The following CNNM4 variants were observed in gnomAD, a reference collection of about 807,000 sequenced individuals.
CNNM4 encodes the protein cyclin and CBS domain divalent metal cation transport mediator 4, also known as metal transporter CNNM4.
CNNM4 carries 32 observed loss-of-function variants against 53.7 expected under a neutral mutation model. The observed-to-expected ratio is 0.60, with a 90% confidence interval of 0.45 to 0.80. CNNM4 has a LOEUF of 0.80. Among genes scored for constraint, CNNM4 ranks in the 30% least tolerant of loss-of-function variants. CNNM4 has a pLI of 0.00. For missense variants in CNNM4, 784 were observed against 1,022.0 expected, an observed-to-expected ratio of 0.77 and a Z score of 3.17; for synonymous variants, 410 against 440.0, an observed-to-expected ratio of 0.93 and a Z score of 0.85.
chr2:96,780,223 A>G (rs922949092), intron 1 of CNNM4, among the ~76,000 whole-genome samples: 2 of 152,068 alleles, frequency 1.3e-5, no homozygotes. Flanking sequence ...TTTCTTGAGT[A>G]TATTCCTAGT....
intron 1 of CNNM4, among the ~76,000 whole-genome samples, chr2:96,789,429 C>G (rs1173076124): frequency 6.6e-6 from 1 of 152,146 alleles, no homozygotes; most frequent in African/African-American, 2.4e-5. Context: ...CTGCCCAGCC[C>G]TCCGGGGTTT....
intron 1 of CNNM4, among the ~76,000 whole-genome samples, chr2:96,786,420 A>AT (rs1236081785): frequency 6.6e-6 from 1 of 151,732 alleles, no homozygotes; most frequent in Non-Finnish European, 1.5e-5. Context: ...TCTCAAAAAA[A>AT]AAAAAAAAGT....
intron 1 of CNNM4, among the ~76,000 whole-genome samples, chr2:96,772,189 C>T (rs2078877902): frequency 1.3e-5 from 2 of 151,830 alleles, no homozygotes; most frequent in South Asian, 4.1e-4. Context: ...TAGGCACAGG[C>T]AGGCTTACTC....
At chr2:96,765,424 C>A (rs62156232) in intron 1 of CNNM4, among the ~76,000 whole-genome samples, 10,549 of 151,920 alleles carry the variant, frequency 0.069, 418 homozygotes, top group Middle Eastern at 0.16. Flanking sequence ...CCCTGCCCAG[C>A]CTTTCAGCTG....
At chr2:96,778,711 T>C (rs1382577147) in intron 1 of CNNM4, among the ~76,000 whole-genome samples, 1 of 151,726 alleles carries the variant, frequency 6.6e-6, no homozygotes, top group African/African-American at 2.4e-5. Flanking sequence ...CTCAGCCTCC[T>C]CAGTAGCTGG....
At position 96,801,681 on chromosome 2, in the gene CNNM4, A is replaced by G. The variant is rs1463826143; in HGVS notation, c.1948+2033A>G. On this transcript the variant is annotated intron_variant, in intron 5 of 6. Coordinates refer to ENST00000377075, the MANE Select transcript of CNNM4 (RefSeq NM_020184.4). This position sits in a 1 kb window ranked among gnomAD's most constrained non-coding sequence, Gnocchi z 5.6. Reference sequence around the variant, plus strand: ...CCACACACACACACACACAGAGACCACACGCAGAGAGACCACACACACGCA... The same window carrying G: ...CCACACACACACACACACAGAGACCGCACGCAGAGAGACCACACACACGCA... Among the ~76,000 whole-genome samples, 2 of 148,956 alleles carry G rather than the reference A, an allele frequency of 1.3e-5. No individual in the cohort carries two copies. The highest frequency in any genetic ancestry group is 3.0e-5 in the Non-Finnish European group (2 of 66,964).
intron 1 of CNNM4, among the ~76,000 whole-genome samples, chr2:96,769,659 C>T (rs777772433): frequency 5.3e-5 from 8 of 151,608 alleles, no homozygotes; most frequent in Non-Finnish European, 8.8e-5. Context: ...TTGATGGAGA[C>T]GAAGAGAACC....
chr2:96,806,529 A>G lies in CNNM4; in HGVS notation c.1949-2032A>G, dbSNP rs939859381. 1.5e-3 allele frequency among the ~76,000 whole-genome samples: 212 copies of G among 142,378 alleles called. 1 individual carries two copies. Among genetic ancestry groups the G allele is most frequent in the Admixed American group, 3.0e-3 (42 of 14,226 alleles). The allele number at this position is 142,378 out of a possible 152,430, so 93.4% of individuals were successfully genotyped here. On this transcript the variant is annotated intron_variant, in intron 5 of 6. Coordinates refer to ENST00000377075, the MANE Select transcript of CNNM4 (RefSeq NM_020184.4). ...CCAACACACACACACACACACACAC[A>G]CACACACGCGCGCGCGCGCGCGCGC...
At position 96,797,135 on chromosome 2, in the gene CNNM4, T is replaced by C; in HGVS notation, c.1526T>C (p.Leu509Pro). 6.2e-7 allele frequency: 1 copy of C among 1,614,192 alleles called. No homozygotes were observed. The change falls in exon 2 of 7, where the codon CTG becomes CCG. Residue 509 changes from leucine (L) to proline (P), a missense_variant. Leu to Pro is a moderately conservative substitution (Grantham distance 98). Transcript: ENST00000377075. The surrounding 1 kb of genome is among the most constrained non-coding windows in gnomAD (Gnocchi z 6.0). ...GAGGAGATCATCAAGTCGGAGATCCTGGACGAGTCCGACATGTACAGTGAG... is the reference window on the plus strand; with the variant it reads ...GAGGAGATCATCAAGTCGGAGATCCCGGACGAGTCCGACATGTACAGTGAG... Reference protein sequence around the residue: ...VIEEIIKSEILDESDMYTDNR... With the variant: ...VIEEIIKSEIPDESDMYTDNR...
In CNNM4 at chr2:96,761,533, G is replaced by A. The variant is rs764182054; in HGVS notation, c.534G>A (p.Arg178=). Residue 178 remains arginine (R), a synonymous_variant, in exon 1 of 7, where the codon AGG becomes AGA. Transcript: ENST00000377075. The surrounding 1 kb of genome is among the most constrained non-coding windows in gnomAD (Gnocchi z 6.0). ...TCTTCATGGTGGAGGAGCCTGGGAGGTTCCTGCCTCTCTGGCTGCACATTC... is the reference window on the plus strand; with the variant it reads ...TCTTCATGGTGGAGGAGCCTGGGAGATTCCTGCCTCTCTGGCTGCACATTC... ...SLLFMVEEPG[R]FLPLWLHILL... 4.3e-6 allele frequency: 7 copies of A among 1,614,028 alleles called. No homozygotes were observed. The highest frequency in any genetic ancestry group is 5.9e-6 in the Non-Finnish European group (7 of 1,179,940).
intron 1 of CNNM4, among the ~76,000 whole-genome samples, chr2:96,774,022 G>C (rs192317265): frequency 6.6e-6 from 1 of 152,100 alleles, no homozygotes; most frequent in Non-Finnish European, 1.5e-5. Context: ...AAAAATGAAA[G>C]TGAAAGAGGA....
At position 96,765,024 on chromosome 2, in the gene CNNM4, G is replaced by GTTTTTTTTTT. The variant is rs1158502593; in HGVS notation, c.1402+2656_1402+2665dup. 3.4e-4 allele frequency among the ~76,000 whole-genome samples: 14 copies of GTTTTTTTTTT among 41,554 alleles called. 5 individuals carry two copies. The highest frequency in any genetic ancestry group is 7.0e-4 in the African/African-American group (8 of 11,400). The allele number at this position is 41,554 out of a possible 152,430, so 27.3% of individuals were successfully genotyped here. A position where few individuals can be genotyped will look rare whatever the true frequency, so the allele number is the denominator to read the frequency against. ...GTTTAGGAGTCTGGTGTTGGGAATG[G>GTTTTTTTTTT]TTTTTTTTTTTTTTTTTTTTTTTTT... On this transcript the variant is annotated intron_variant, in intron 1 of 6. Transcript: ENST00000377075.
chr2:96,775,054 C>T (rs1020815425), intron 1 of CNNM4, among the ~76,000 whole-genome samples: 1 of 133,346 alleles, frequency 7.5e-6, no homozygotes, highest in South Asian at 2.8e-4. Context: ...AAAAAATGTA[C>T]TGTCAGTTTT....
At position 96,797,685 on chromosome 2, in the gene CNNM4, C is replaced by G; in HGVS notation, c.1681+38C>G. On this transcript the variant is annotated intron_variant, in intron 3 of 6. Coordinates refer to ENST00000377075, the MANE Select transcript of CNNM4 (RefSeq NM_020184.4). The surrounding 1 kb of genome is among the most constrained non-coding windows in gnomAD (Gnocchi z 6.0). ...GGACCTTCCGGTCTTGGTGGAAATACGGTCACGGGGGAGAAGTCCTGGGTT... is the reference window on the plus strand; with the variant it reads ...GGACCTTCCGGTCTTGGTGGAAATAGGGTCACGGGGGAGAAGTCCTGGGTT... The G allele has an allele frequency of 6.2e-7, 1 of 1,611,162 alleles. No homozygotes were observed. The highest frequency in any genetic ancestry group is 1.1e-5 in the South Asian group (1 of 91,046).
At position 96,809,473 on chromosome 2, in the gene CNNM4, C is replaced by T. The variant is rs761490730; in HGVS notation, c.2284C>T (p.Arg762Cys). Residue 762 changes from arginine (R) to cysteine (C), a missense_variant, in exon 7 of 7, where the codon CGT becomes TGT. This residue lies in a region of CNNM4 where 307 missense variants were observed against 376.3 expected (regional missense o/e 0.82). Transcript: ENST00000377075. Reference sequence around the variant, plus strand: ...CGAGACCACAACTCTTCTCAACGAGCGTAACTCCTTGCTGCACAAAGCCTC... The same window carrying T: ...CGAGACCACAACTCTTCTCAACGAGTGTAACTCCTTGCTGCACAAAGCCTC... ...VDETTTLLNE[R>C]NSLLHKASHE... 38 of 1,614,108 alleles carry T rather than the reference C, an allele frequency of 2.4e-5. No individual in the cohort carries two copies. The highest frequency in any genetic ancestry group is 4.5e-5 in the East Asian group (2 of 44,902).
chr2:96,805,764 G>A (rs1574086440), intron 5 of CNNM4, among the ~76,000 whole-genome samples: 1 of 133,858 alleles, frequency 7.5e-6, no homozygotes, highest in East Asian at 2.1e-4. Context: ...AGGGTTGGGG[G>A]TAAGGTCACA....
At chr2:96,793,921 C>G (rs1308087903) in intron 1 of CNNM4, among the ~76,000 whole-genome samples, 8 of 152,156 alleles carry the variant, frequency 5.3e-5, no homozygotes, top group Non-Finnish European at 1.5e-5. Context: ...TACCACTGTA[C>G]TCCAGCCTGG....
chr2:96,777,312 C>T (rs2078934902), intron 1 of CNNM4, among the ~76,000 whole-genome samples: 1 of 152,326 alleles, frequency 6.6e-6, no homozygotes, highest in East Asian at 1.9e-4. Flanking sequence ...AGCCACTGCG[C>T]CCGGCCTGTT....
chr2:96,792,112 G>A (rs62152784), intron 1 of CNNM4, among the ~76,000 whole-genome samples: 12,903 of 151,672 alleles, frequency 0.085, 604 homozygotes, highest in Middle Eastern at 0.16. Flanking sequence ...AAAATTAGCC[G>A]AGTGTGGTGG....
Sources: allele counts gnomAD v4.1 joint callset (sites outside exome capture counted in the v4.1 genomes callset), GRCh38; gene constraint gnomAD v4.1.1; regional missense constraint gnomAD v4.1.1; non-coding constraint Gnocchi (gnomAD v3.1); transcripts MANE v1.5; gene names NCBI Gene and HGNC (gene_info 2026-07-23, HGNC 2026-07-21).